RIC8B: variants seen among roughly 807,000 people sequenced by gnomAD.
The protein encoded by RIC8B is chaperone Ric-8B.
In RIC8B, 16 loss-of-function variants were observed where a neutral mutation model predicts 57.5. That is an observed-to-expected ratio of 0.28 (90% CI 0.19 to 0.42). The LOEUF (loss-of-function observed/expected upper bound fraction) is 0.42. Ranked by LOEUF, RIC8B falls within the 10% of genes least tolerant of loss-of-function variation. The probability of loss-of-function intolerance (pLI) is 1.00; values close to 1 mark genes in which losing one functional copy is unlikely to be tolerated. For synonymous variants in RIC8B, 216 were observed against 250.8 expected (o/e 0.86, Z 1.31); for missense variants, 481 against 677.0 (o/e 0.71, Z 3.21).
chr12:106,868,902 T>C (rs1950266138), intron 8 of RIC8B, among the ~76,000 whole-genome samples: 1 of 146,796 alleles, frequency 6.8e-6, no homozygotes, highest in Non-Finnish European at 1.5e-5. Flanking sequence ...TCACCCAAGC[T>C]TTTTTCAAAG....
chr12:106,851,937 C>A (rs1949493262), intron 7 of RIC8B, among the ~76,000 whole-genome samples: 1 of 152,136 alleles, frequency 6.6e-6, no homozygotes, highest in Non-Finnish European at 1.5e-5. Context: ...ATAAGAGGCA[C>A]AGGTCTGGGT....
At chr12:106,775,348 A>G in intron 1 of RIC8B, 1 of 456,016 alleles carries the variant, frequency 2.2e-6, no homozygotes, top group South Asian at 1.5e-5. Flanking sequence ...AGATGGTATC[A>G]TCCTCCCCAT....
chr12:106,800,146 C>T (rs1212825738), intron 2 of RIC8B, among the ~76,000 whole-genome samples: 1 of 152,122 alleles, frequency 6.6e-6, no homozygotes, highest in East Asian at 1.9e-4. Flanking sequence ...CACCTAACCC[C>T]ACTTACCTCT....
intron 2 of RIC8B, among the ~76,000 whole-genome samples, chr12:106,796,333 T>C (rs966109365): frequency 3.9e-5 from 6 of 151,962 alleles, no homozygotes; most frequent in African/African-American, 1.5e-4. Context: ...AGCTCAGGAG[T>C]TCGAGACCAG....
chr12:106,802,490 G>A (rs959291507), intron 2 of RIC8B, among the ~76,000 whole-genome samples: 3 of 150,548 alleles, frequency 2.0e-5, no homozygotes, highest in Non-Finnish European at 4.4e-5. Flanking sequence ...AGAGAAAGTG[G>A]CAGACTATAG....
At chr12:106,850,986 C>T (rs1407433678) in intron 6 of RIC8B, among the ~76,000 whole-genome samples, 1 of 152,066 alleles carries the variant, frequency 6.6e-6, no homozygotes, top group Non-Finnish European at 1.5e-5. Flanking sequence ...AAGTCCGAAG[C>T]ACTTCTGGTC....
chr12:106,859,978 G>A (rs1004793980), intron 7 of RIC8B, among the ~76,000 whole-genome samples: 1 of 152,048 alleles, frequency 6.6e-6, no homozygotes, highest in East Asian at 1.9e-4. Flanking sequence ...AACTTAAAGC[G>A]TGACCCTTAC....
chr12:106,828,656 A>G (rs1367160355), intron 4 of RIC8B, among the ~76,000 whole-genome samples: 9 of 152,226 alleles, frequency 5.9e-5, no homozygotes, highest in East Asian at 3.8e-4. Flanking sequence ...TTCCCTGGCA[A>G]TGAGAAAATA....
At chr12:106,850,462 C>T (rs528915954) in intron 6 of RIC8B, among the ~76,000 whole-genome samples, 105 of 152,176 alleles carry the variant, frequency 6.9e-4, no homozygotes, top group African/African-American at 2.3e-3. Context: ...GGAGGAGGAC[C>T]AGGAGAAAGG....
At chr12:106,810,023 CAT>C (rs1041774669) in intron 2 of RIC8B, among the ~76,000 whole-genome samples, 16 of 150,574 alleles carry the variant, frequency 1.1e-4, no homozygotes, top group Non-Finnish European at 1.3e-4. Context: ...AGAAATAAAA[CAT>C]ATTTATTATT....
rs536721789 is a variant in RIC8B, at chr12:106,813,482, G to A, written c.133-1214G>A. Reference sequence around the variant, plus strand: ...TGGGATTACAGGCGTGAGCCACTGCGTCCAGCCTTCTATACCATTTTATAT... The same window carrying A: ...TGGGATTACAGGCGTGAGCCACTGCATCCAGCCTTCTATACCATTTTATAT... On this transcript the variant is annotated intron_variant, in intron 2 of 9. Coordinates refer to ENST00000392837, the MANE Select transcript of RIC8B (RefSeq NM_001330145.2). Among the ~76,000 whole-genome samples, 9 of 152,186 alleles carry A rather than the reference G, an allele frequency of 5.9e-5. 1 individual carries two copies. The South Asian group carries it at 1.2e-3, about 21-fold the overall frequency.
At chr12:106,853,453 CTTTTTTTTTTTTTTTTTT>C (rs758876525) in intron 7 of RIC8B, among the ~76,000 whole-genome samples, 1 of 38,022 alleles carries the variant, frequency 2.6e-5, no homozygotes, top group Non-Finnish European at 4.3e-5. Context: ...GCTTTATAGT[CTTTTTTTTTTTTTTTTTT>C]TTTTTTTTTT....
chr12:106,815,330 C>A, intron 3 of RIC8B, 26 bp downstream of exon 3: 2 of 1,564,314 alleles, frequency 1.3e-6, no homozygotes, highest in South Asian at 2.4e-5. Context: ...CTATTTTTGT[C>A]TACCTGGAAT....
At chr12:106,830,219 A>T (rs2046298123) in intron 4 of RIC8B, among the ~76,000 whole-genome samples, 1 of 152,218 alleles carries the variant, frequency 6.6e-6, no homozygotes, top group African/African-American at 2.4e-5. Context: ...AAAGAGTGTC[A>T]TGGGGATTTT....
intron 2 of RIC8B, among the ~76,000 whole-genome samples, chr12:106,794,893 C>A (rs967852791): frequency 6.6e-6 from 1 of 152,280 alleles, no homozygotes; most frequent in Middle Eastern, 3.4e-3. Context: ...ATACATAATT[C>A]TCCCATTTTC....
intron 2 of RIC8B, among the ~76,000 whole-genome samples, chr12:106,791,246 A>G (rs577983061): frequency 1.6e-4 from 24 of 152,334 alleles, no homozygotes; most frequent in African/African-American, 4.3e-4. Flanking sequence ...ACAAGGAGAT[A>G]AATGGCAGCC....
intron 2 of RIC8B, among the ~76,000 whole-genome samples, chr12:106,798,508 C>T (rs1282716572): frequency 1.3e-5 from 2 of 152,178 alleles, no homozygotes; most frequent in Non-Finnish European, 2.9e-5. Context: ...AAGGGACCCA[C>T]AGTGTCTTCC....
At chr12:106,837,791 G>A (rs578180246) in intron 4 of RIC8B, among the ~76,000 whole-genome samples, 58 of 152,030 alleles carry the variant, frequency 3.8e-4, no homozygotes, top group African/African-American at 2.9e-4. Flanking sequence ...ACAGGCACGC[G>A]CCAGCATGCC....
At chr12:106,851,411 A>G in intron 6 of RIC8B, 39 bp from the exon 7 acceptor site, 1 of 1,579,520 alleles carries the variant, frequency 6.3e-7, no homozygotes, top group Admixed American at 1.7e-5. Flanking sequence ...TCACTCTAGT[A>G]GCCTCGATTG....
Sources: allele counts gnomAD v4.1 joint callset (sites outside exome capture counted in the v4.1 genomes callset), GRCh38; gene constraint gnomAD v4.1.1; transcripts MANE v1.5; gene names NCBI Gene and HGNC (gene_info 2026-07-23, HGNC 2026-07-21).